GANAB: variants seen among roughly 807,000 people sequenced by gnomAD.
GANAB encodes the protein neutral alpha-glucosidase AB.
GANAB carries 35 observed loss-of-function variants against 129.9 expected under a neutral mutation model. That is an observed-to-expected ratio of 0.27 (90% CI 0.21 to 0.36). GANAB has a LOEUF of 0.36. GANAB is among the 10% of genes least tolerant of loss of function. The probability of loss-of-function intolerance (pLI) is 1.00; values close to 1 mark genes in which losing one functional copy is unlikely to be tolerated. For synonymous variants in GANAB, 482 were observed against 451.8 expected, an observed-to-expected ratio of 1.07 and a Z score of -0.85; for missense variants, 939 against 1,221.0, an observed-to-expected ratio of 0.77 and a Z score of 3.44.
intron 1 of GANAB, among the ~76,000 whole-genome samples, chr11:62,642,018 C>T (rs1435502875): frequency 6.6e-6 from 1 of 151,660 alleles, no homozygotes; most frequent in Non-Finnish European, 1.5e-5. Flanking sequence ...AAGAGACCAG[C>T]CTGGCCAATA....
rs1405982311 is a variant in GANAB at position 62,626,155 on chromosome 11, G to A, written c.2635C>T (p.Pro879Ser). 6.2e-7 allele frequency: 1 copy of A among 1,611,390 alleles called. No homozygotes were observed. Among genetic ancestry groups the A allele is most frequent in the African/African-American group, 1.3e-5 (1 of 74,850 alleles). Residue 879 changes from proline (P) to serine (S), a missense_variant, in exon 23 of 24, where the codon CCT (proline) becomes TCT (serine). Pro to Ser is a moderately conservative substitution (Grantham distance 74). Around this residue, in one of 5 missense-constraint regions of GANAB, gnomAD observed 230 missense variants for 259.9 expected, o/e 0.89. Transcript: ENST00000356638. ...ATTGGTGTCTCAAAGTGTCCTTCAG[G>A]GTCTGCTGAGCTGGAGATGGTAAAA... ...GNTLVSSSAD[P>S]EGHFETPIWI...
chr11:62,626,196 G>C (rs754238978), intron 22 of GANAB, 31 bp from the exon 23 acceptor site: 52 of 1,503,892 alleles, frequency 3.5e-5, no homozygotes, highest in Non-Finnish European at 4.7e-5. Context: ...TGTCCATCAG[G>C]GGGAAAAATA....
chr11:62,635,836 G>A (rs1321142456), intron 4 of GANAB, among the ~76,000 whole-genome samples: 2 of 149,376 alleles, frequency 1.3e-5, no homozygotes, highest in Non-Finnish European at 3.0e-5. Context: ...CGCCATGTTG[G>A]CCAGGCTAAT....
intron 17 of GANAB, 69 bp from the exon 18 acceptor site, chr11:62,627,422 G>A: frequency 1.2e-6 from 1 of 842,770 alleles, no homozygotes; most frequent in South Asian, 1.3e-5. Flanking sequence ...GCTCCTCCAG[G>A]AACTGGCAAT....
At chr11:62,632,127 C>T (rs1943718049) in intron 9 of GANAB, among the ~76,000 whole-genome samples, 1 of 151,504 alleles carries the variant, frequency 6.6e-6, no homozygotes. Flanking sequence ...GAGTCCGCCG[C>T]CACACCCTGC....
chr11:62,630,330 T>C (rs899874235), intron 12 of GANAB, 49 bp downstream of exon 12: 4 of 1,613,592 alleles, frequency 2.5e-6, no homozygotes, highest in African/African-American at 2.7e-5. Flanking sequence ...AGAGCCACCA[T>C]TCTACCCCGC....
At chr11:62,634,001 G>A (rs1483611471) in intron 5 of GANAB, 1 of 393,568 alleles carries the variant, frequency 2.5e-6, no homozygotes, top group Non-Finnish European at 4.6e-6. Context: ...AGGGCAAGTA[G>A]CTCTGCCCAG....
At chr11:62,632,044 G>A (rs748844256) in intron 9 of GANAB, among the ~76,000 whole-genome samples, 8 of 151,298 alleles carry the variant, frequency 5.3e-5, no homozygotes. Context: ...TGAAATCTCC[G>A]CTCACTGCAA....
chr11:62,629,495 G>C, intron 15 of GANAB, 93 bp downstream of exon 15: 1 of 890,932 alleles, frequency 1.1e-6, no homozygotes, highest in Non-Finnish European at 1.8e-6. Context: ...GCAGTGTGTG[G>C]CTCCCATTCC....
At chr11:62,643,694 T>C (rs1283889807) in intron 1 of GANAB, among the ~76,000 whole-genome samples, 5 of 152,052 alleles carry the variant, frequency 3.3e-5, no homozygotes, top group Non-Finnish European at 5.9e-5. Context: ...CACATGCCTA[T>C]AATCCCAGCT....
At position 62,625,640 on chromosome 11, in the gene GANAB, A is replaced by G. The variant is rs1943333850; in HGVS notation, c.*175T>C. On this transcript the variant is annotated 3_prime_UTR_variant, in exon 24 of 24. Coordinates refer to ENST00000356638, the MANE Select transcript of GANAB (RefSeq NM_198334.3). ...GAGTGGGAGAGGTGAGGAGATCACA[A>G]GAGGAATTTGGAGCCCAGGGTCAGC... The G allele has an allele frequency of 4.9e-6, 3 of 609,238 alleles. No homozygotes were observed. The highest frequency in any genetic ancestry group is 2.8e-5 in the East Asian group (1 of 36,200). 37.7% of individuals were successfully genotyped at this position (609,238 alleles called of 1,614,324 possible).
chr11:62,625,129 T>C lies in GANAB; in HGVS notation c.*686A>G, dbSNP rs1233811814. On this transcript the variant is annotated 3_prime_UTR_variant, in exon 24 of 24. Coordinates refer to ENST00000356638, the MANE Select transcript of GANAB (RefSeq NM_198334.3). Reference sequence around the variant, plus strand: ...CAAAAGAAGTTTAATGCGCATCCCCTAAGAGGTGTGGAAACGTCTTTCTGC... The same window carrying C: ...CAAAAGAAGTTTAATGCGCATCCCCCAAGAGGTGTGGAAACGTCTTTCTGC... 1.1e-5 allele frequency: 5 copies of C among 443,900 alleles called. No individual in the cohort carries two copies. 27.5% of individuals were successfully genotyped at this position (443,900 alleles called of 1,614,324 possible). A position where few individuals can be genotyped will look rare whatever the true frequency, so the allele number is the denominator to read the frequency against.
At chr11:62,634,324 C>A in intron 5 of GANAB, 4 of 1,608,470 alleles carry the variant, frequency 2.5e-6, no homozygotes, top group Non-Finnish European at 3.4e-6. Context: ...AGAAAAGGTT[C>A]TTGATCTTAT....
In GANAB at chr11:62,629,676, C is replaced by A; in HGVS notation, c.1746G>T (p.Ala582=). The A allele has an allele frequency of 6.2e-7, 1 of 1,612,934 alleles. No individual in the cohort carries two copies. The highest frequency in any genetic ancestry group is 8.5e-7 in the Non-Finnish European group (1 of 1,179,200). ...HNIYGLYVHM[A]TADGLRQRSG... ...AGCGCTGTCTCAGCCCATCAGCAGT[C>A]GCCATGTGCTGGGTGAGGAGAGAAG... Residue 582 remains alanine (A), a synonymous_variant, in exon 15 of 24, where the codon GCG becomes GCT. Transcript: ENST00000356638.
chr11:62,627,021 T>C (rs1176474100), intron 19 of GANAB, 27 bp downstream of exon 19: 1 of 1,603,336 alleles, frequency 6.2e-7, no homozygotes, highest in South Asian at 1.1e-5. Flanking sequence ...CCACCATCTT[T>C]CCCCACCATG....
Position 62,627,116 on chromosome 11 carries a change from A to C in GANAB, c.2254T>G (p.Leu752Val). 6.2e-7 allele frequency: 1 copy of C among 1,613,464 alleles called. No homozygotes were observed. The highest frequency in any genetic ancestry group is 8.5e-7 in the Non-Finnish European group (1 of 1,179,368). ...GAGTCTGATACAGGGTGAACCAGCA[A>C]CGCATCCCCTAAAATATGCCAGAAT... is the stretch of plus-strand genomic sequence containing the variant. ...IDDQYLLGDA[L>V]LVHPVSDSGA... The change falls in exon 19 of 24, where the codon TTG (leucine) becomes GTG (valine). Residue 752 changes from leucine (L) to valine (V), a missense_variant. Leu to Val is a conservative substitution (Grantham distance 32, BLOSUM62 1). Around this residue, in one of 5 missense-constraint regions of GANAB, gnomAD observed 230 missense variants for 259.9 expected, o/e 0.89. Coordinates refer to ENST00000356638, the MANE Select transcript of GANAB (RefSeq NM_198334.3).
rs766580909 is a variant in GANAB at position 62,626,195 on chromosome 11, G to T, written c.2625-30C>A. 3 of 1,506,088 alleles carry T rather than the reference G, an allele frequency of 2.0e-6. No individual in the cohort carries two copies. In the African/African-American group the frequency reaches 4.1e-5, roughly 21 times the overall value. The allele number at this position is 1,506,088 out of a possible 1,614,324, so 93.3% of individuals were successfully genotyped here. A position where few individuals can be genotyped will look rare whatever the true frequency, so the allele number is the denominator to read the frequency against. On this transcript the variant is annotated intron_variant, in intron 22 of 23. Coordinates refer to ENST00000356638, the MANE Select transcript of GANAB (RefSeq NM_198334.3). The stretch of plus-strand genomic sequence containing the variant: ...AGATGGTAAAAGCAGATGTCCATCA[G>T]GGGGAAAAATAACAGAACAGAAGGA...
chr11:62,634,465 A>G, intron 5 of GANAB: 1 of 839,236 alleles, frequency 1.2e-6, no homozygotes, highest in Non-Finnish European at 2.1e-6. Flanking sequence ...TCAGTCGACA[A>G]ACTTCCAGAG....
At position 62,629,656 on chromosome 11, in the gene GANAB, T is replaced by C. The variant is rs749010632; in HGVS notation, c.1766A>G (p.Gln589Arg). ...GGGGCGTTCCATGCCCCCAGAGCGC[T>C]GTCTCAGCCCATCAGCAGTCGCCAT... is the stretch of plus-strand genomic sequence containing the variant. The part of the protein sequence containing the change: ...VHMATADGLR[Q>R]RSGGMERPFV... The change falls in exon 15 of 24, where the codon CAG becomes CGG. Residue 589 changes from glutamine (Q) to arginine (R), a missense_variant. Transcript: ENST00000356638. The C allele has an allele frequency of 6.2e-7, 1 of 1,613,662 alleles. No individual in the cohort carries two copies. Among genetic ancestry groups the C allele is most frequent in the East Asian group, 2.2e-5 (1 of 44,890 alleles).
Sources: gnomAD v4.1 joint callset for allele counts (sites outside exome capture counted in the v4.1 genomes callset) on GRCh38, gnomAD v4.1.1 for gene constraint, gnomAD v4.1.1 regional missense constraint, MANE v1.5 for transcripts, NCBI Gene and HGNC (gene_info 2026-07-23, HGNC 2026-07-21) for gene names.